CCDC146: variants seen among roughly 807,000 people sequenced by gnomAD.
CCDC146 encodes coiled-coil domain-containing protein 146.
Under a neutral mutation model 119.3 loss-of-function variants are expected in CCDC146, and 92 were observed. The ratio of observed to expected loss-of-function variants is 0.77; its 90% CI spans 0.65 to 0.92. CCDC146 has a LOEUF of 0.92. Among genes scored for constraint, CCDC146 ranks in the 40% least tolerant of loss-of-function variants. The pLI, the probability that CCDC146 is intolerant of heterozygous loss-of-function variation, is 0.00. For synonymous variants in CCDC146, 372 were observed against 371.8 expected (o/e 1.00, Z -0.01); for missense variants, 1,000 against 1,103.0 (o/e 0.91, Z 1.32).
intron 1 of CCDC146, among the ~76,000 whole-genome samples, chr7:77,166,711 T>A (rs1309204734): frequency 6.6e-6 from 1 of 152,172 alleles, no homozygotes; most frequent in East Asian, 1.9e-4. Flanking sequence ...GTAATAAATT[T>A]TTTTAAAGGG....
intron 2 of CCDC146, among the ~76,000 whole-genome samples, chr7:77,215,304 G>A (rs934614096): frequency 6.6e-6 from 1 of 151,786 alleles, no homozygotes; most frequent in African/African-American, 2.4e-5. Context: ...TGGGTAGTGG[G>A]AGCCTTTTGA....
chr7:77,160,879 C>A (rs1353866460), intron 1 of CCDC146, among the ~76,000 whole-genome samples: 1 of 152,028 alleles, frequency 6.6e-6, no homozygotes, highest in African/African-American at 2.4e-5. Flanking sequence ...ATTTTTGCAA[C>A]CTACTCATCT....
intron 2 of CCDC146, among the ~76,000 whole-genome samples, chr7:77,187,874 TG>T: frequency 6.6e-6 from 1 of 152,064 alleles, no homozygotes; most frequent in Non-Finnish European, 1.5e-5. Flanking sequence ...CCTCTACAAC[TG>T]AATTTTTATA....
At chr7:77,245,599 C>T (rs1033037923) in intron 4 of CCDC146, among the ~76,000 whole-genome samples, 7 of 152,132 alleles carry the variant, frequency 4.6e-5, no homozygotes, top group South Asian at 4.1e-4. Context: ...CTGACGTGAC[C>T]CTGACCTTGG....
chr7:77,292,654 C>T (rs1395419330), intron 17 of CCDC146, among the ~76,000 whole-genome samples: 2 of 151,526 alleles, frequency 1.3e-5, no homozygotes, highest in African/African-American at 4.8e-5. Context: ...CTTCACCTCT[C>T]CTTCTTACCT....
In CCDC146 at chr7:77,256,488, G is replaced by C. The variant is rs749171469; in HGVS notation, c.663G>C (p.Leu221Phe). Residue 221 changes from leucine to phenylalanine, a missense_variant, in exon 6 of 19, where the codon TTG becomes TTC. Physicochemically the swap from Leu to Phe is conservative, Grantham distance 22. This residue lies in a region of CCDC146 where 985 missense variants were observed against 1,045.3 expected (regional missense o/e 0.94). Transcript: ENST00000285871. ...AGCAGAAGGAACTAGAAGAATTGTT[G>C]GGACATCAGGTCGTCCTAAAGGTGT... ...LKEQKELEEL[L>F]GHQVVLKDEV... 1 of 1,605,880 alleles carries C rather than the reference G, an allele frequency of 6.2e-7. No individual in the cohort carries two copies.
intron 3 of CCDC146, among the ~76,000 whole-genome samples, chr7:77,237,441 C>T (rs6956394): frequency 0.02 from 3,059 of 152,266 alleles, 108 homozygotes; most frequent in East Asian, 0.15. Flanking sequence ...ACCAAGCAAA[C>T]TTTGATGGCC....
intron 2 of CCDC146, among the ~76,000 whole-genome samples, chr7:77,176,990 C>T (rs890906013): frequency 2.6e-5 from 4 of 151,954 alleles, no homozygotes; most frequent in Admixed American, 2.0e-4. Flanking sequence ...CACATAACAC[C>T]AGGCCTGGCT....
chr7:77,220,832 C>T (rs920937343), intron 2 of CCDC146, among the ~76,000 whole-genome samples: 5 of 152,074 alleles, frequency 3.3e-5, no homozygotes, highest in African/African-American at 2.4e-5. Flanking sequence ...TTGTTGGAGG[C>T]GGATCACATT....
At chr7:77,150,808 T>C (rs1247512695) in intron 1 of CCDC146, among the ~76,000 whole-genome samples, 1 of 152,180 alleles carries the variant, frequency 6.6e-6, no homozygotes, top group Non-Finnish European at 1.5e-5. Flanking sequence ...ACAAATGAAA[T>C]GTCTATCAAT....
chr7:77,232,070 C>T (rs1219040018), intron 2 of CCDC146, among the ~76,000 whole-genome samples: 2 of 152,080 alleles, frequency 1.3e-5, no homozygotes, highest in Non-Finnish European at 2.9e-5. Flanking sequence ...ATATTTTTCC[C>T]CCGCAGTAGG....
At chr7:77,181,719 T>A (rs747831011) in intron 2 of CCDC146, among the ~76,000 whole-genome samples, 2 of 152,186 alleles carry the variant, frequency 1.3e-5, no homozygotes, top group Non-Finnish European at 2.9e-5. Flanking sequence ...ACTGCAAAAA[T>A]CTTCTTGTGA....
intron 11 of CCDC146, among the ~76,000 whole-genome samples, chr7:77,278,433 TAA>T (rs1394686632): frequency 2.9e-4 from 41 of 142,762 alleles, no homozygotes; most frequent in African/African-American, 7.8e-4. Context: ...AGCCAAGAAA[TAA>T]TTTTTTTTTT....
At position 77,273,722 on chromosome 7, in the gene CCDC146, C is replaced by T. The variant is rs767897159; in HGVS notation, c.1202C>T (p.Thr401Ile). The T allele has an allele frequency of 8.1e-6, 13 of 1,610,538 alleles. No homozygotes were observed. The highest frequency in any genetic ancestry group is 9.3e-6 in the Non-Finnish European group (11 of 1,177,836). The part of the protein sequence containing the change: ...EMEAIPKDDS[T>I]LSERRRELHK... ...GAAGCTATCCCCAAAGATGATTCTACATTATCTGAGAGAAGGCGAGAGCTT... is the reference window on the plus strand; with the variant it reads ...GAAGCTATCCCCAAAGATGATTCTATATTATCTGAGAGAAGGCGAGAGCTT... Residue 401 changes from threonine (T) to isoleucine (I), a missense_variant, in exon 10 of 19, where the codon ACA (threonine) becomes ATA (isoleucine). Around this residue, in one of 2 missense-constraint regions of CCDC146, gnomAD observed 985 missense variants for 1,045.3 expected, o/e 0.94. Transcript: ENST00000285871.
rs764681706 is a variant in CCDC146, at chr7:77,199,130, T to C, written c.156+31306T>C. 2.5e-5 allele frequency: 37 copies of C among 1,485,792 alleles called. 1 individual carries two copies. The South Asian group carries it at 4.1e-4, about 17-fold the overall frequency. 92.0% of individuals were successfully genotyped at this position (1,485,792 alleles called of 1,614,324 possible). On this transcript the variant is annotated intron_variant, in intron 2 of 18. Transcript: ENST00000285871. Reference sequence around the variant, plus strand: ...CAGGTTAATGTTTATAGATACTCTCTAGCTGTATAACATTTATGAACATAT... The same window carrying C: ...CAGGTTAATGTTTATAGATACTCTCCAGCTGTATAACATTTATGAACATAT...
intron 17 of CCDC146, among the ~76,000 whole-genome samples, chr7:77,291,507 C>A (rs1364558837): frequency 6.6e-6 from 1 of 151,810 alleles, no homozygotes; most frequent in African/African-American, 2.4e-5. Context: ...GAGTTCAAGA[C>A]CTGCCTAGGC....
At chr7:77,237,484 C>A (rs1792759907) in intron 3 of CCDC146, among the ~76,000 whole-genome samples, 2 of 152,174 alleles carry the variant, frequency 1.3e-5, no homozygotes. Context: ...GACACAGGTG[C>A]TGCTGATACA....
chr7:77,259,119 G>A, intron 7 of CCDC146, 51 bp downstream of exon 7: 2 of 1,064,098 alleles, frequency 1.9e-6, no homozygotes, highest in Non-Finnish European at 2.8e-6. Flanking sequence ...AGTTATGTGT[G>A]CACACTAGAA....
chr7:77,202,613 C>T (rs1227292033), intron 2 of CCDC146, among the ~76,000 whole-genome samples: 3 of 152,122 alleles, frequency 2.0e-5, no homozygotes, highest in East Asian at 1.9e-4. Context: ...GCTAGGTTCT[C>T]GGTTTAGAAA....
Sources: gnomAD v4.1 joint callset for allele counts (sites outside exome capture counted in the v4.1 genomes callset) on GRCh38, gnomAD v4.1.1 for gene constraint, gnomAD v4.1.1 regional missense constraint, MANE v1.5 for transcripts, NCBI Gene and HGNC (gene_info 2026-07-23, HGNC 2026-07-21) for gene names.